The following ZFP1 variants were observed in gnomAD, a reference collection of about 807,000 sequenced individuals.
ZFP1 encodes ZFP1 zinc finger protein.
Under a neutral mutation model 38.5 loss-of-function variants are expected in ZFP1, and 32 were observed. That is an observed-to-expected ratio of 0.83 (90% CI 0.63 to 1.12). The LOEUF (loss-of-function observed/expected upper bound fraction) is 1.12. Ranked by LOEUF, ZFP1 falls within the 50% of genes most tolerant of loss-of-function variation. The pLI is 0.00. For missense variants in ZFP1, 616 were observed against 480.8 expected, an observed-to-expected ratio of 1.28 and a Z score of -2.63; for synonymous variants, 245 against 168.8, an observed-to-expected ratio of 1.45 and a Z score of -3.50.
chr16:75,126,875 T>A, the ZFP1 span, among the ~76,000 whole-genome samples: 1 of 152,206 alleles, frequency 6.6e-6, no homozygotes, highest in South Asian at 2.1e-4. Flanking sequence ...AAAAATGACA[T>A]ATTTGGCTTA....
At position 75,169,333 on chromosome 16, in the gene ZFP1, A is replaced by T. The variant is rs142593749; in HGVS notation, c.223A>T (p.Asn75Tyr). The T allele has an allele frequency of 1.7e-5, 27 of 1,614,058 alleles. No individual in the cohort carries two copies. The highest frequency in any genetic ancestry group is 4.0e-5 in the African/African-American group (3 of 74,936). ...GGCGAGGCAATTTTTAATTCTTAAG[A>T]ACCAAACCCCAATTGAGGAAAGAGG... ...EQARQFLILK[N>Y]QTPIEERGDL... Residue 75 changes from asparagine (N) to tyrosine (Y), a missense_variant, in exon 4 of 4, where the codon AAC (asparagine) becomes TAC (tyrosine). Coordinates refer to ENST00000570010, the MANE Select transcript of ZFP1 (RefSeq NM_153688.4).
chr16:75,127,424 A>T, the ZFP1 span, among the ~76,000 whole-genome samples: 1 of 152,156 alleles, frequency 6.6e-6, no homozygotes, highest in African/African-American at 2.4e-5. Flanking sequence ...TGAAGAGGGA[A>T]GCATGAGGAG....
chr16:75,171,338 CTG>C lies in ZFP1; in HGVS notation c.*1006_*1007del, dbSNP rs1415536087. On this transcript the variant is annotated 3_prime_UTR_variant, in exon 4 of 4. Coordinates refer to ENST00000570010, the MANE Select transcript of ZFP1 (RefSeq NM_153688.4). ...TTAGAGGAAAAATTATTTTAAATAA[CTG>C]TCAACTGTTTCATTGCTTTTTAAAT... 6.6e-6 allele frequency: 1 copy of C among 152,168 alleles called. No homozygotes were observed. The highest frequency in any genetic ancestry group is 1.5e-5 in the Non-Finnish European group (1 of 68,012). The allele number at this position is 152,168 out of a possible 1,614,324, so 9.4% of individuals were successfully genotyped here. A position where few individuals can be genotyped will look rare whatever the true frequency, so the allele number is the denominator to read the frequency against.
the ZFP1 span, chr16:75,126,281 C>T: frequency 2.0e-5 from 3 of 152,302 alleles, no homozygotes; most frequent in East Asian, 1.9e-4. Context: ...TCCCAAGTAG[C>T]TGGGACTACA....
chr16:75,165,683 C>G (rs942786066), intron 2 of ZFP1, among the ~76,000 whole-genome samples: 1 of 151,920 alleles, frequency 6.6e-6, no homozygotes, highest in African/African-American at 2.4e-5. Flanking sequence ...CTGGCCACCT[C>G]TGGGGTTTTA....
At position 75,171,318 on chromosome 16, in the gene ZFP1, G is replaced by A. The variant is rs1439878960; in HGVS notation, c.*984G>A. 6.6e-6 allele frequency: 1 copy of A among 152,062 alleles called. No individual in the cohort carries two copies. Among genetic ancestry groups the A allele is most frequent in the African/African-American group, 2.4e-5 (1 of 41,378 alleles). 9.4% of individuals were successfully genotyped at this position (152,062 alleles called of 1,614,324 possible). ...AATGTTACATTTCAGAGACTTTAGA[G>A]GAAAAATTATTTTAAATAACTGTCA... On this transcript the variant is annotated 3_prime_UTR_variant, in exon 4 of 4. Coordinates refer to ENST00000570010, the MANE Select transcript of ZFP1 (RefSeq NM_153688.4).
chr16:75,143,469 C>A, the ZFP1 span, among the ~76,000 whole-genome samples: 3 of 152,000 alleles, frequency 2.0e-5, no homozygotes, highest in African/African-American at 7.3e-5. Context: ...TGGTCTCGAA[C>A]TCTTGACCTC....
At chr16:75,163,345 C>G (rs560917549) in intron 2 of ZFP1, among the ~76,000 whole-genome samples, 1 of 151,988 alleles carries the variant, frequency 6.6e-6, no homozygotes, top group East Asian at 1.9e-4. Context: ...TGCTCTGTTG[C>G]CCAGGCTAGA....
the ZFP1 span, among the ~76,000 whole-genome samples, chr16:75,140,236 C>G: frequency 6.6e-6 from 1 of 151,082 alleles, no homozygotes. Flanking sequence ...CCATTGCACT[C>G]CAGCCTGGGC....
chr16:75,133,694 C>T, the ZFP1 span, among the ~76,000 whole-genome samples: 1 of 152,186 alleles, frequency 6.6e-6, no homozygotes, highest in Non-Finnish European at 1.5e-5. Flanking sequence ...TCAGATTCCG[C>T]TTTCTTTGGC....
chr16:75,156,583 G>C (rs565870182), intron 2 of ZFP1, among the ~76,000 whole-genome samples: 1 of 152,190 alleles, frequency 6.6e-6, no homozygotes, highest in African/African-American at 2.4e-5. Context: ...CAGAAGTCCC[G>C]TTTGGGGAGG....
At chr16:75,125,918 T>G in the ZFP1 span, among the ~76,000 whole-genome samples, 1 of 151,734 alleles carries the variant, frequency 6.6e-6, no homozygotes, top group Non-Finnish European at 1.5e-5. Context: ...GGCAGGTGCC[T>G]GTAATCCCAG....
the ZFP1 span, among the ~76,000 whole-genome samples, chr16:75,128,534 T>C: frequency 2.0e-5 from 3 of 152,242 alleles, no homozygotes; most frequent in Non-Finnish European, 4.4e-5. Flanking sequence ...TGTTAGATTC[T>C]AGTCTTGTCT....
At chr16:75,140,042 G>T in the ZFP1 span, among the ~76,000 whole-genome samples, 1 of 152,210 alleles carries the variant, frequency 6.6e-6, no homozygotes, top group African/African-American at 2.4e-5. Context: ...GCCAAGGTGG[G>T]AGGATCACCT....
At chr16:75,119,243 T>A in the ZFP1 span, among the ~76,000 whole-genome samples, 1 of 152,298 alleles carries the variant, frequency 6.6e-6, no homozygotes, top group Middle Eastern at 3.4e-3. Context: ...GCCCCTGACC[T>A]TTGACAAAGC....
In ZFP1 at chr16:75,153,332, A is replaced by G. The variant is rs544261736; in HGVS notation, c.15+366A>G. 7.0e-4 allele frequency among the ~76,000 whole-genome samples: 107 copies of G among 152,330 alleles called. 1 individual carries two copies. Among genetic ancestry groups the G allele is most frequent in the African/African-American group, 2.4e-3 (98 of 41,570 alleles). ...ATTATTGTATGTATTTGGTTTTTCC[A>G]GTCAGATTAGCCTAATGCCAGAGAA... is the stretch of plus-strand genomic sequence containing the variant. On this transcript the variant is annotated intron_variant, in intron 2 of 3. Transcript: ENST00000570010.
At chr16:75,131,665 C>T in the ZFP1 span, among the ~76,000 whole-genome samples, 1 of 152,020 alleles carries the variant, frequency 6.6e-6, no homozygotes, top group Non-Finnish European at 1.5e-5. Flanking sequence ...TGGATTGTCT[C>T]AAAAAATGTC....
chr16:75,161,266 T>A (rs578038671), intron 2 of ZFP1, among the ~76,000 whole-genome samples: 38 of 151,906 alleles, frequency 2.5e-4, no homozygotes, highest in African/African-American at 8.2e-4. Flanking sequence ...ACGGGGTTTC[T>A]CCACGTTGTC....
chr16:75,144,042 A>G (rs868624622), upstream of ZFP1: 7 of 152,358 alleles, frequency 4.6e-5, no homozygotes, highest in South Asian at 2.1e-4. Context: ...CAGGTCAGCA[A>G]TGTGTTTCTC....
Sources: gnomAD v4.1 joint callset for allele counts (sites outside exome capture counted in the v4.1 genomes callset) on GRCh38, gnomAD v4.1.1 for gene constraint, MANE v1.5 for transcripts, NCBI Gene and HGNC (gene_info 2026-07-23, HGNC 2026-07-21) for gene names.